Variants in CIZ1 observed in about 807,000 individuals in gnomAD.
CIZ1 encodes the protein cip1-interacting zinc finger protein.
Under a neutral mutation model 118.6 loss-of-function variants are expected in CIZ1, and 58 were observed. The ratio of observed to expected loss-of-function variants is 0.49; its 90% CI spans 0.40 to 0.61. The LOEUF (loss-of-function observed/expected upper bound fraction) is 0.61. Ranked by LOEUF, CIZ1 falls within the 20% of genes least tolerant of loss-of-function variation. CIZ1 has a pLI of 0.00. For missense variants in CIZ1, 921 were observed against 1,115.9 expected (o/e 0.83, Z 2.49); for synonymous variants, 448 against 443.4 (o/e 1.01, Z -0.13).
intron 1 of CIZ1, among the ~76,000 whole-genome samples, chr9:128,199,528 C>T (rs1833458959): frequency 6.6e-6 from 1 of 151,864 alleles, no homozygotes; most frequent in South Asian, 2.1e-4. Flanking sequence ...AAGCAAGATC[C>T]CGTCTGTACA....
Position 128,178,424 on chromosome 9 carries a change from G to GACTCAT in CIZ1, c.1559_1564dup (p.Glu521_Ser522insTyrGlu). On this transcript the variant is annotated inframe_insertion, in exon 9 of 17. Coordinates refer to ENST00000372938, the MANE Select transcript of CIZ1 (RefSeq NM_001131016.2). The stretch of plus-strand genomic sequence containing the variant: ...TTCTCCCACATCTAGGCCACAGGCC[G>GACTCAT]ACTCATTCTGAATCTCTTCCATGCT... 1 of 1,614,066 alleles carries GACTCAT rather than the reference G, an allele frequency of 6.2e-7. No homozygotes were observed. Among genetic ancestry groups the GACTCAT allele is most frequent in the Non-Finnish European group, 8.5e-7 (1 of 1,179,990 alleles).
chr9:128,180,296 C>T, intron 7 of CIZ1, 119 bp downstream of exon 7: 1 of 733,480 alleles, frequency 1.4e-6, no homozygotes, highest in Admixed American at 2.4e-5. Flanking sequence ...GAGGCCAAGG[C>T]CCTTTCCTTG....
chr9:128,181,298 T>C (rs1256516063), intron 5 of CIZ1, among the ~76,000 whole-genome samples: 1 of 152,100 alleles, frequency 6.6e-6, no homozygotes, highest in African/African-American at 2.4e-5. Context: ...GTATTTTTAG[T>C]AGAGTTGGGG....
chr9:128,180,934 G>T, intron 5 of CIZ1, 120 bp from the exon 6 acceptor site: 1 of 726,120 alleles, frequency 1.4e-6, no homozygotes, highest in South Asian at 1.6e-5. Context: ...CCTCTGGTGG[G>T]CCTGGCCCCA....
At chr9:128,189,025 C>G (rs1355354074) in intron 3 of CIZ1, among the ~76,000 whole-genome samples, 2 of 152,136 alleles carry the variant, frequency 1.3e-5, no homozygotes, top group East Asian at 3.9e-4. Context: ...TCTCGATCTC[C>G]TGACCTCGTG....
At chr9:128,186,260 T>TA (rs1219383773) in intron 4 of CIZ1, among the ~76,000 whole-genome samples, 1 of 152,000 alleles carries the variant, frequency 6.6e-6, no homozygotes, top group African/African-American at 2.4e-5. Context: ...GGGTGGGTGT[T>TA]ATCTCTACCG....
intron 1 of CIZ1, among the ~76,000 whole-genome samples, chr9:128,202,101 G>A (rs892687038): frequency 4.6e-5 from 7 of 152,186 alleles, no homozygotes; most frequent in African/African-American, 1.7e-4. Flanking sequence ...TGTCCGTTTT[G>A]CTCACTGCTT....
intron 7 of CIZ1, 33 bp from the exon 8 acceptor site, chr9:128,179,448 T>C (rs759259685): frequency 2.0e-6 from 3 of 1,536,778 alleles, no homozygotes; most frequent in Non-Finnish European, 2.6e-6. Flanking sequence ...CCCAGTCATG[T>C]CTTCAAAGAG....
chr9:128,191,857 C>G (rs1427759681), upstream of CIZ1: 1 of 1,476,376 alleles, frequency 6.8e-7, no homozygotes, highest in South Asian at 1.3e-5. The surrounding 1 kb of genome is among the most constrained non-coding windows in gnomAD (Gnocchi z 5.5). Context: ...CAACCCACCT[C>G]CCTGCGGCCG....
chr9:128,169,427 C>G lies in CIZ1; in HGVS notation c.2124G>C (p.Gly708=). Residue 708 remains glycine (G), a synonymous_variant, in exon 13 of 17, where the codon GGG becomes GGC. Transcript: ENST00000372938. ...TTACCTCCTTGGCTTTGTCCTTATG[C>G]CCCTGGGACTTCACGTGCTCCACAA... The part of the protein sequence containing the change: ...RKFVEHVKSQ[G]HKDKAKELKS... 1 of 1,614,112 alleles carries G rather than the reference C, an allele frequency of 6.2e-7. No individual in the cohort carries two copies. Among genetic ancestry groups the G allele is most frequent in the South Asian group, 1.1e-5 (1 of 91,086 alleles).
Position 128,190,722 on chromosome 9 carries a change from G to C in CIZ1, c.136C>G (p.Pro46Ala), listed in dbSNP as rs1321880490. 1 of 1,551,090 alleles carries C rather than the reference G, an allele frequency of 6.4e-7. No homozygotes were observed. The highest frequency in any genetic ancestry group is 8.7e-7 in the Non-Finnish European group (1 of 1,148,900). ...LQLQQLLQQS[P>A]PQAPLPMAVS... ...GCCATGGGCAACGGGGCCTGTGGTG[G>C]GGACTGCTGGAGCAGCTGCTGGAGC... Residue 46 changes from proline (P) to alanine (A), a missense_variant, in exon 2 of 17, where the codon CCA becomes GCA. Physicochemically the swap from Pro to Ala is conservative, Grantham distance 27 (BLOSUM62 -1). Coordinates refer to ENST00000372938, the MANE Select transcript of CIZ1 (RefSeq NM_001131016.2).
chr9:128,176,231 G>A, intron 11 of CIZ1, 120 bp downstream of exon 11: 1 of 1,266,472 alleles, frequency 7.9e-7, no homozygotes, highest in South Asian at 1.4e-5. Context: ...ACAGTGTGAG[G>A]AGGCCTGGCT....
chr9:128,180,419 T>C lies in CIZ1; in HGVS notation c.787A>G (p.Arg263Gly), dbSNP rs868322659. ...EASELPAKRL[R>G]SSEEPTEKEP... is the part of the protein sequence containing the mutation. ...CAGGTTTTCAGCATCAGTTACCTCC[T>C]CAATCTCTTTGCTGGCAGCTCGGAC... The change falls in exon 7 of 17, where the codon AGG becomes GGG. Residue 263 changes from arginine to glycine, a missense_variant. Arg to Gly is a moderately radical substitution (Grantham distance 125). Transcript: ENST00000372938. The C allele has an allele frequency of 3.7e-6, 6 of 1,613,514 alleles. No individual in the cohort carries two copies. The highest frequency in any genetic ancestry group is 5.1e-6 in the Non-Finnish European group (6 of 1,179,434).
At chr9:128,199,077 T>C (rs1419112076) in intron 1 of CIZ1, among the ~76,000 whole-genome samples, 1 of 151,882 alleles carries the variant, frequency 6.6e-6, no homozygotes, top group African/African-American at 2.4e-5. Flanking sequence ...CTAATAAAAC[T>C]TCTTTCTCGG....
At chr9:128,188,723 T>G (rs1832753875) in intron 3 of CIZ1, among the ~76,000 whole-genome samples, 1 of 152,068 alleles carries the variant, frequency 6.6e-6, no homozygotes, top group South Asian at 2.1e-4. Flanking sequence ...AACCCCCGCC[T>G]CCTGGGTTCA....
At chr9:128,195,463 A>G (rs1407280564), upstream of CIZ1, among the ~76,000 whole-genome samples, 1 of 152,096 alleles carries the variant, frequency 6.6e-6, no homozygotes, top group Non-Finnish European at 1.5e-5. Context: ...GACTACAAGC[A>G]TGCGCCACCA....
In CIZ1 at chr9:128,191,500, C is replaced by G. The variant is rs1483293481; in HGVS notation, c.-74G>C. The G allele has an allele frequency of 3.0e-6, 3 of 1,000,724 alleles. No individual in the cohort carries two copies. The highest frequency in any genetic ancestry group is 3.5e-5 in the African/African-American group (2 of 57,892). The allele number at this position is 1,000,724 out of a possible 1,614,324, so 62.0% of individuals were successfully genotyped here. On this transcript the variant is annotated 5_prime_UTR_variant, in exon 1 of 17. Coordinates refer to ENST00000372938, the MANE Select transcript of CIZ1 (RefSeq NM_001131016.2). The surrounding 1 kb of genome is among the most constrained non-coding windows in gnomAD (Gnocchi z 5.5). Reference sequence around the variant, plus strand: ...ATGGGCCGGCCCCGCAGCCCCCACGCCTCGGCCGGGCGGCTCCGGCCCGCG... The same window carrying G: ...ATGGGCCGGCCCCGCAGCCCCCACGGCTCGGCCGGGCGGCTCCGGCCCGCG...
chr9:128,203,382 C>A lies in CIZ1; in HGVS notation c.-6+804G>T. On this transcript the variant is annotated intron_variant, in intron 1 of 17. Transcript: ENST00000372948. The surrounding 1 kb of genome is among the most constrained non-coding windows in gnomAD (Gnocchi z 5.3). ...GCGGGGGCCCCGCGGCGCAGGCAGT[C>A]TGGGCGCGCGGCTGCAGCGGCGGAG... 1 of 1,261,754 alleles carries A rather than the reference C, an allele frequency of 7.9e-7. No individual in the cohort carries two copies. Among genetic ancestry groups the A allele is most frequent in the Non-Finnish European group, 1.0e-6 (1 of 994,660 alleles). 78.2% of individuals were successfully genotyped at this position (1,261,754 alleles called of 1,614,324 possible).
At chr9:128,186,763 G>A (rs754685991) in intron 4 of CIZ1, among the ~76,000 whole-genome samples, 5 of 151,878 alleles carry the variant, frequency 3.3e-5, no homozygotes, top group African/African-American at 7.3e-5. Context: ...CAGACATCCT[G>A]CCTCAGGGCC....
Sources: allele counts gnomAD v4.1 joint callset (sites outside exome capture counted in the v4.1 genomes callset), GRCh38; gene constraint gnomAD v4.1.1; non-coding constraint Gnocchi (gnomAD v3.1); transcripts MANE v1.5; gene names NCBI Gene and HGNC (gene_info 2026-07-23, HGNC 2026-07-21).